The following ZFHX3 variants were observed in gnomAD, a reference collection of about 807,000 sequenced individuals.
The protein encoded by ZFHX3 is zinc finger homeobox 3.
In ZFHX3, 42 loss-of-function variants were observed where a neutral mutation model predicts 279.1. The observed-to-expected ratio is 0.15, with a 90% confidence interval of 0.12 to 0.19. The LOEUF (loss-of-function observed/expected upper bound fraction) is 0.19. Ranked by LOEUF, ZFHX3 falls within the 10% of genes least tolerant of loss-of-function variation. The probability of loss-of-function intolerance (pLI) is 1.00; values close to 1 mark genes in which losing one functional copy is unlikely to be tolerated. For synonymous variants in ZFHX3, 2,293 were observed against 1,957.8 expected, an observed-to-expected ratio of 1.17 and a Z score of -4.52; for missense variants, 4,981 against 4,754.0, an observed-to-expected ratio of 1.05 and a Z score of -1.40.
chr16:73,758,874 C>T (rs1391857933), intron 1 of ZFHX3, among the ~76,000 whole-genome samples: 2 of 152,212 alleles, frequency 1.3e-5, no homozygotes, highest in East Asian at 1.9e-4. Flanking sequence ...TGGATCTTCA[C>T]CTCTTGGTTT....
intron 1 of ZFHX3, among the ~76,000 whole-genome samples, chr16:73,732,642 G>A (rs1206957657): frequency 6.6e-6 from 1 of 152,238 alleles, no homozygotes; most frequent in Non-Finnish European, 1.5e-5. Context: ...ATGGATGACA[G>A]AATTCACAGT....
intron 1 of ZFHX3, among the ~76,000 whole-genome samples, chr16:73,019,776 C>T (rs113868536): frequency 9.2e-5 from 14 of 152,306 alleles, no homozygotes; most frequent in African/African-American, 3.1e-4. Context: ...AGGGCTCACC[C>T]GCCCCCTTCC....
At position 72,932,653 on chromosome 16, in the gene ZFHX3, CAAAAAA is replaced by C. The variant is rs3079316; in HGVS notation, c.3216+17810_3216+17815del. 1.5e-4 allele frequency among the ~76,000 whole-genome samples: 16 copies of C among 103,228 alleles called. 1 individual carries two copies. Among genetic ancestry groups the C allele is most frequent in the East Asian group, 1.1e-3 (4 of 3,704 alleles). 67.7% of individuals were successfully genotyped at this position (103,228 alleles called of 152,430 possible). A position where few individuals can be genotyped will look rare whatever the true frequency, so the allele number is the denominator to read the frequency against. Reference sequence around the variant, plus strand: ...GAAATTCCATCTCCCTGCTCCGCACCAAAAAAAAAAAAAAAAAAAAAATCCACTGAC... The same window carrying C: ...GAAATTCCATCTCCCTGCTCCGCACCAAAAAAAAAAAAAAAATCCACTGAC... On this transcript the variant is annotated intron_variant, in intron 3 of 9. Transcript: ENST00000268489.
At chr16:73,355,466 A>C (rs1459226467) in intron 3 of ZFHX3, among the ~76,000 whole-genome samples, 2 of 152,218 alleles carry the variant, frequency 1.3e-5, no homozygotes, top group Non-Finnish European at 2.9e-5. Flanking sequence ...CAGAAAAGGC[A>C]GGTGCCATGG....
At chr16:73,011,043 G>A (rs536100888) in intron 1 of ZFHX3, among the ~76,000 whole-genome samples, 14 of 152,206 alleles carry the variant, frequency 9.2e-5, no homozygotes, top group South Asian at 6.2e-4. Flanking sequence ...GTACAGTGGC[G>A]TGATCTTGGC....
intron 1 of ZFHX3, among the ~76,000 whole-genome samples, chr16:72,961,746 G>A (rs1961589063): frequency 1.3e-5 from 2 of 152,050 alleles, no homozygotes; most frequent in South Asian, 4.1e-4. Flanking sequence ...CTTTTTGGAA[G>A]AATAAAGCTA....
rs191965389 is a variant in ZFHX3 at position 72,810,756 on chromosome 16, C to T, written c.3864+821G>A. Among the ~76,000 whole-genome samples the T allele has an allele frequency of 1.6e-3, 248 of 152,300 alleles. 1 individual carries two copies. The highest frequency in any genetic ancestry group is 5.8e-3 in the African/African-American group (240 of 41,572). ...AAAGTATCCACTGAGAAACTCCCTA[C>T]CCTAGAGTTGGAAATTGCGGGTTCA... On this transcript the variant is annotated intron_variant, in intron 7 of 9. Coordinates refer to ENST00000268489, the MANE Select transcript of ZFHX3 (RefSeq NM_006885.4).
intron 3 of ZFHX3, among the ~76,000 whole-genome samples, chr16:73,441,106 T>C (rs953135757): frequency 6.6e-6 from 1 of 152,138 alleles, no homozygotes; most frequent in African/African-American, 2.4e-5. Flanking sequence ...GAGTGCCATT[T>C]AGAGGATTAC....
At chr16:73,641,445 C>T (rs1211696179) in intron 2 of ZFHX3, among the ~76,000 whole-genome samples, 2 of 151,958 alleles carry the variant, frequency 1.3e-5, no homozygotes, top group African/African-American at 2.4e-5. Flanking sequence ...AGATCTGACC[C>T]GATGGAAGGT....
intron 2 of ZFHX3, among the ~76,000 whole-genome samples, chr16:73,644,637 G>A (rs149051186): frequency 5.9e-4 from 90 of 152,054 alleles, no homozygotes; most frequent in African/African-American, 2.1e-3. Context: ...CTCCACCCTG[G>A]GCGACAGAGC....
At chr16:73,076,026 C>G (rs1965883962) in intron 8 of ZFHX3, among the ~76,000 whole-genome samples, 1 of 152,102 alleles carries the variant, frequency 6.6e-6, no homozygotes. Flanking sequence ...AGCTGGATGG[C>G]CCCCAACAAA....
intron 1 of ZFHX3, among the ~76,000 whole-genome samples, chr16:73,855,419 CTGAGCCA>C (rs1961703042): frequency 6.6e-6 from 1 of 152,100 alleles, no homozygotes; most frequent in South Asian, 2.1e-4. Context: ...GTCAACTTCC[CTGAGCCA>C]CAAACAGCAA....
chr16:73,235,028 C>A (rs1035764059), intron 5 of ZFHX3, among the ~76,000 whole-genome samples: 4 of 152,204 alleles, frequency 2.6e-5, no homozygotes, highest in Non-Finnish European at 4.4e-5. Flanking sequence ...ATATTAGCCC[C>A]AGTATTTAAG....
chr16:73,688,457 A>G (rs1241950288), intron 1 of ZFHX3, among the ~76,000 whole-genome samples: 1 of 151,952 alleles, frequency 6.6e-6, no homozygotes, highest in Non-Finnish European at 1.5e-5. Flanking sequence ...GGACACCCCC[A>G]GGAATGGAAT....
intron 2 of ZFHX3, among the ~76,000 whole-genome samples, chr16:73,677,188 G>A (rs1301307275): frequency 1.3e-5 from 2 of 151,070 alleles, no homozygotes; most frequent in African/African-American, 4.9e-5. Flanking sequence ...AATCATCACA[G>A]GTATATTTTA....
chr16:72,870,546 A>G (rs938865603), intron 4 of ZFHX3, among the ~76,000 whole-genome samples: 1 of 151,966 alleles, frequency 6.6e-6, no homozygotes, highest in African/African-American at 2.4e-5. Context: ...TGCCTCTACT[A>G]AAAATACAAA....
At chr16:73,802,812 A>ATGATT in intron 1 of ZFHX3, among the ~76,000 whole-genome samples, 1 of 152,266 alleles carries the variant, frequency 6.6e-6, no homozygotes. Context: ...ACAAAGCATT[A>ATGATT]TGATTTCTTT....
intron 2 of ZFHX3, among the ~76,000 whole-genome samples, chr16:73,678,513 T>G (rs1444558997): frequency 6.6e-6 from 1 of 152,186 alleles, no homozygotes; most frequent in Non-Finnish European, 1.5e-5. Context: ...GATATTGTTT[T>G]CATAAAAATA....
chr16:72,960,682 T>C (rs193106703), intron 1 of ZFHX3, among the ~76,000 whole-genome samples: 28 of 152,272 alleles, frequency 1.8e-4, no homozygotes, highest in Admixed American at 5.9e-4. Context: ...GGAGGTTCAA[T>C]GTCCCTGGAA....
Sources: gnomAD v4.1 joint callset for allele counts (sites outside exome capture counted in the v4.1 genomes callset) on GRCh38, gnomAD v4.1.1 for gene constraint, MANE v1.5 for transcripts, NCBI Gene and HGNC (gene_info 2026-07-23, HGNC 2026-07-21) for gene names.